Variants in TRPA1 observed in about 807,000 individuals in gnomAD.
TRPA1 encodes ankyrin-like with transmembrane domains 1.
In TRPA1, 129 loss-of-function variants were observed where a neutral mutation model predicts 131.3. The ratio of observed to expected loss-of-function variants is 0.98; its 90% confidence interval spans 0.85 to 1.14. The LOEUF (loss-of-function observed/expected upper bound fraction) is 1.14. Among genes scored for constraint, TRPA1 ranks in the 50% most tolerant of loss-of-function variants. The probability of loss-of-function intolerance (pLI) is 0.00; values close to 1 mark genes in which losing one functional copy is unlikely to be tolerated. For missense variants in TRPA1, 1,304 were observed against 1,354.2 expected (o/e 0.96, Z 0.58); for synonymous variants, 441 against 451.7 (o/e 0.98, Z 0.30).
At chr8:72,080,450 T>C (rs1425503115), upstream of TRPA1, among the ~76,000 whole-genome samples, 1 of 151,778 alleles carries the variant, frequency 6.6e-6, no homozygotes, top group Non-Finnish European at 1.5e-5. Context: ...ACCAACCTTT[T>C]CATATGTTAC....
At chr8:72,028,298 C>G (rs1266086214) in intron 24 of TRPA1, among the ~76,000 whole-genome samples, 1 of 152,198 alleles carries the variant, frequency 6.6e-6, no homozygotes, top group Non-Finnish European at 1.5e-5. Context: ...TTTTTCTTTG[C>G]TGGTTTTGAA....
chr8:72,032,618 G>A (rs532865294), intron 23 of TRPA1, among the ~76,000 whole-genome samples: 2 of 152,090 alleles, frequency 1.3e-5, no homozygotes, highest in African/African-American at 4.8e-5. Context: ...TTCAGAATGG[G>A]GCCAACCTGT....
intron 15 of TRPA1, 42 bp from the exon 16 acceptor site, chr8:72,047,249 C>A (rs371807975): frequency 7.1e-7 from 1 of 1,400,146 alleles, no homozygotes; most frequent in African/African-American, 1.4e-5. Flanking sequence ...GGGCAGTACA[C>A]TACATATTAG....
intron 1 of TRPA1, 131 bp from the exon 2 acceptor site, chr8:72,071,998 C>T (rs1177790228): frequency 1.2e-6 from 1 of 817,348 alleles, no homozygotes; most frequent in Middle Eastern, 3.6e-4. Flanking sequence ...AAATATTTTT[C>T]TTGAAATACA....
the TRPA1 span, among the ~76,000 whole-genome samples, chr8:72,086,478 G>A: frequency 5.9e-5 from 9 of 151,964 alleles, no homozygotes; most frequent in African/African-American, 1.7e-4. Flanking sequence ...AGCTTTTACT[G>A]TACTGAAATT....
In TRPA1 at chr8:72,022,766, T is replaced by TAA. The variant is rs1554531194; in HGVS notation, c.*139_*140insTT. 2.6e-6 allele frequency: 2 copies of TAA among 771,974 alleles called. No homozygotes were observed. Among genetic ancestry groups the TAA allele is most frequent in the South Asian group, 1.5e-5 (1 of 67,278 alleles). 47.8% of individuals were successfully genotyped at this position (771,974 alleles called of 1,614,324 possible). A position where few individuals can be genotyped will look rare whatever the true frequency, so the allele number is the denominator to read the frequency against. On this transcript the variant is annotated 3_prime_UTR_variant, in exon 27 of 27. Coordinates refer to ENST00000262209, the MANE Select transcript of TRPA1 (RefSeq NM_007332.3). ...GAATAGAGGATAAAAGATGGTTTACTTTTATACAGCATGCAGGAACCATGA... is the reference window on the plus strand; with the variant it reads ...GAATAGAGGATAAAAGATGGTTTACTAATTTATACAGCATGCAGGAACCATGA...
At position 72,052,579 on chromosome 8, in the gene TRPA1, T is replaced by C; in HGVS notation, c.1811+20A>G. On this transcript the variant is annotated intron_variant, in intron 14 of 26. Transcript: ENST00000262209. ...AACACCAGAGAACACTAAATGACAGTGGACAGGAAGACAGTGTACCTTTTG... is the reference window on the plus strand; with the variant it reads ...AACACCAGAGAACACTAAATGACAGCGGACAGGAAGACAGTGTACCTTTTG... 6.2e-7 allele frequency: 1 copy of C among 1,613,194 alleles called. No individual in the cohort carries two copies. The highest frequency in any genetic ancestry group is 1.3e-5 in the African/African-American group (1 of 74,996).
intron 24 of TRPA1, among the ~76,000 whole-genome samples, chr8:72,028,569 T>C (rs1266333590): frequency 6.6e-6 from 1 of 152,240 alleles, no homozygotes; most frequent in Non-Finnish European, 1.5e-5. Flanking sequence ...CCTGTGTTTG[T>C]TCTCTAAGTG....
chr8:72,071,985 G>A lies in TRPA1; in HGVS notation c.112-118C>T, dbSNP rs376777358. On this transcript the variant is annotated intron_variant, in intron 1 of 26. Coordinates refer to ENST00000262209, the MANE Select transcript of TRPA1 (RefSeq NM_007332.3). ...AAAACTATCTATCATGCTTATATGA[G>A]GTAAATATTTTTCTTGAAATACACA... is the stretch of plus-strand genomic sequence containing the variant. The A allele has an allele frequency of 4.0e-4, 369 of 915,056 alleles. 7 individuals are homozygous for A. In the South Asian group the frequency reaches 5.5e-3, roughly 14 times the overall value. 56.7% of individuals were successfully genotyped at this position (915,056 alleles called of 1,614,324 possible).
Position 72,071,842 on chromosome 8 carries a change from C to T in TRPA1, c.137G>A (p.Gly46Glu). The T allele has an allele frequency of 6.2e-7, 1 of 1,612,046 alleles. No individual in the cohort carries two copies. Among genetic ancestry groups the T allele is most frequent in the Non-Finnish European group, 8.5e-7 (1 of 1,179,744 alleles). The change falls in exon 2 of 27, where the codon GGA becomes GAA. Residue 46 changes from glycine (G) to glutamate (E), a missense_variant. Transcript: ENST00000262209. ...LKVVFEGSAY[G>E]LQNFNKQKKL... is the part of the protein sequence containing the mutation. The stretch of plus-strand genomic sequence containing the variant: ...CTTTTGCTTATTAAAGTTTTGTAAT[C>T]CATATGCACTTCCTTCAAAAACCAC...
At chr8:72,033,533 G>T in intron 23 of TRPA1, 111 bp downstream of exon 23, 2 of 1,041,652 alleles carry the variant, frequency 1.9e-6, no homozygotes, top group Non-Finnish European at 1.4e-6. Flanking sequence ...TTTTGTAGTA[G>T]ATCCTTCCTG....
chr8:72,026,600 T>A (rs764054218), intron 24 of TRPA1, among the ~76,000 whole-genome samples: 1 of 152,234 alleles, frequency 6.6e-6, no homozygotes, highest in African/African-American at 2.4e-5. Context: ...CTTAAGAGTA[T>A]GTCATGCATT....
intron 2 of TRPA1, among the ~76,000 whole-genome samples, chr8:72,070,395 T>C (rs766961980): frequency 3.9e-5 from 6 of 152,172 alleles, no homozygotes; most frequent in Non-Finnish European, 8.8e-5. Flanking sequence ...TCAAGAAGAA[T>C]CACTCCATTC....
chr8:72,039,886 G>A, intron 17 of TRPA1, 89 bp from the exon 18 acceptor site: 2 of 914,286 alleles, frequency 2.2e-6, no homozygotes, highest in South Asian at 1.4e-5. Flanking sequence ...TTTTATAACT[G>A]TGTTTGGTAT....
intron 2 of TRPA1, among the ~76,000 whole-genome samples, chr8:72,071,480 G>A (rs1309172089): frequency 6.6e-6 from 1 of 152,158 alleles, no homozygotes; most frequent in East Asian, 1.9e-4. Context: ...AAATTCAAAT[G>A]AAGTCTGTGC....
chr8:72,036,460 G>A lies in TRPA1; in HGVS notation c.2386-3C>T. 2 of 1,611,654 alleles carry A rather than the reference G, an allele frequency of 1.2e-6. No individual in the cohort carries two copies. Among genetic ancestry groups the A allele is most frequent in the East Asian group, 2.2e-5 (1 of 44,852 alleles). On this transcript the variant is annotated splice_polypyrimidine_tract_variant and splice_region_variant and intron_variant, in intron 20 of 26. Coordinates refer to ENST00000262209, the MANE Select transcript of TRPA1 (RefSeq NM_007332.3). The stretch of plus-strand genomic sequence containing the variant: ...ATATCCATAAAATAATTCCTTTTCT[G>A]GGATAGAAAAGAATAAAAAATTACC...
chr8:72,047,159 G>T lies in TRPA1; in HGVS notation c.1954C>A (p.Arg652=), dbSNP rs200577993. The T allele has an allele frequency of 9.3e-6, 15 of 1,608,268 alleles. No homozygotes were observed. In the Admixed American group the frequency reaches 2.3e-4, roughly 25 times the overall value. Residue 652 remains arginine (R), a synonymous_variant, in exon 16 of 27, where the codon CGA becomes AGA. Coordinates refer to ENST00000262209, the MANE Select transcript of TRPA1 (RefSeq NM_007332.3). ...TAAAATAAACTTACATAATAGTCTC[G>T]GCAGGACTTGTCTTCTGTGGAATGC... ...MLHSTEDKSC[R]DYYIEYNFKY...
intron 16 of TRPA1, 104 bp downstream of exon 16, chr8:72,047,044 T>C: frequency 1.2e-6 from 1 of 863,380 alleles, no homozygotes; most frequent in Admixed American, 2.1e-5. Context: ...ATTAGATCAA[T>C]ACCATCTGCA....
intron 17 of TRPA1, among the ~76,000 whole-genome samples, chr8:72,040,611 G>T (rs1812219402): frequency 6.6e-6 from 1 of 152,044 alleles, no homozygotes; most frequent in Non-Finnish European, 1.5e-5. Flanking sequence ...GACTTCTAAG[G>T]GGCTGCCCAA....
Sources: gnomAD v4.1 joint callset for allele counts (sites outside exome capture counted in the v4.1 genomes callset) on GRCh38, gnomAD v4.1.1 for gene constraint, MANE v1.5 for transcripts, NCBI Gene and HGNC (gene_info 2026-07-23, HGNC 2026-07-21) for gene names.